The following TRHDE variants were observed in gnomAD, a reference collection of about 807,000 sequenced individuals.
The protein encoded by TRHDE is thyrotropin-releasing hormone-degrading ectoenzyme.
TRHDE carries 72 observed loss-of-function variants against 125.7 expected under a neutral mutation model. The ratio of observed to expected loss-of-function variants is 0.57; its 90% CI spans 0.47 to 0.70. TRHDE has a LOEUF of 0.70. Ranked by LOEUF, TRHDE falls within the 30% of genes least tolerant of loss-of-function variation. The pLI is 0.00. For missense variants in TRHDE, 1,110 were observed against 1,327.1 expected, an observed-to-expected ratio of 0.84 and a Z score of 2.54; for synonymous variants, 509 against 509.1, an observed-to-expected ratio of 1.00 and a Z score of 0.00.
At chr12:72,249,276 A>G (rs1439406211) in intron 2 of TRHDE, among the ~76,000 whole-genome samples, 1 of 152,226 alleles carries the variant, frequency 6.6e-6, no homozygotes. Flanking sequence ...TTGGGAGGTA[A>G]TTTTTAATAA....
intron 14 of TRHDE, 97 bp downstream of exon 14, chr12:72,621,302 C>T: frequency 2.5e-6 from 2 of 801,430 alleles, no homozygotes; most frequent in South Asian, 1.6e-5. Flanking sequence ...AGACAATCTT[C>T]CTTTCATTCT....
chr12:72,517,638 A>G (rs1037062613), intron 6 of TRHDE, among the ~76,000 whole-genome samples: 3 of 151,804 alleles, frequency 2.0e-5, no homozygotes, highest in East Asian at 1.9e-4. Flanking sequence ...TTGTGTCTCT[A>G]TGTCCTTCAG....
At chr12:72,300,375 C>CACACAT (rs1555174442) in intron 2 of TRHDE, among the ~76,000 whole-genome samples, 30 of 149,922 alleles carry the variant, frequency 2.0e-4, no homozygotes, top group Non-Finnish European at 3.4e-4. Flanking sequence ...TACACACACA[C>CACACAT]ACACACACAC....
At chr12:72,610,253 A>G (rs1872585452) in intron 12 of TRHDE, among the ~76,000 whole-genome samples, 1 of 152,224 alleles carries the variant, frequency 6.6e-6, no homozygotes, top group Non-Finnish European at 1.5e-5. Context: ...TGATATCTTC[A>G]TAAGAAACTT....
rs1875203744 is a variant in TRHDE, at chr12:72,669,731, A to G, written c.*6536A>G. The G allele has an allele frequency of 6.6e-6, 1 of 151,854 alleles. No homozygotes were observed. 9.4% of individuals were successfully genotyped at this position (151,854 alleles called of 1,614,324 possible). ...AACTAGCAAATCTCAAATGCAAAAC[A>G]TTTTTGAGTGAATTTTTCCTCAAAT... On this transcript the variant is annotated 3_prime_UTR_variant, in exon 19 of 19. Coordinates refer to ENST00000261180, the MANE Select transcript of TRHDE (RefSeq NM_013381.3).
chr12:72,413,367 T>A (rs1417474078), intron 3 of TRHDE, among the ~76,000 whole-genome samples: 2 of 151,934 alleles, frequency 1.3e-5, no homozygotes, highest in Admixed American at 6.6e-5. Context: ...ATTGAGCACT[T>A]GAAATGTGGC....
intron 6 of TRHDE, among the ~76,000 whole-genome samples, chr12:72,501,259 C>T (rs1388325511): frequency 2.6e-5 from 4 of 152,038 alleles, no homozygotes. Context: ...AGAGCAAACC[C>T]TTGTGCTGTT....
intron 2 of TRHDE, among the ~76,000 whole-genome samples, chr12:72,310,406 C>A (rs763087033): frequency 6.6e-6 from 1 of 152,204 alleles, no homozygotes; most frequent in Non-Finnish European, 1.5e-5. Context: ...TTTTCACTTA[C>A]TTAAAAATCT....
chr12:72,227,416 A>G (rs1878155000), intron 2 of TRHDE, among the ~76,000 whole-genome samples: 1 of 152,150 alleles, frequency 6.6e-6, no homozygotes, highest in Non-Finnish European at 1.5e-5. Flanking sequence ...AAACTTATTC[A>G]CTATCACAAG....
chr12:72,452,532 G>A (rs1425894849), intron 3 of TRHDE, among the ~76,000 whole-genome samples: 1 of 152,110 alleles, frequency 6.6e-6, no homozygotes, highest in African/African-American at 2.4e-5. Context: ...TCAGAGGAAA[G>A]GCTTTTAAAT....
At chr12:72,107,865 T>G (rs537017802) in intron 2 of TRHDE, among the ~76,000 whole-genome samples, 59 of 152,272 alleles carry the variant, frequency 3.9e-4, no homozygotes, top group Non-Finnish European at 7.1e-4. Context: ...ATGAATTGAT[T>G]TATTGAAGAA....
intron 2 of TRHDE, among the ~76,000 whole-genome samples, chr12:72,323,529 T>C (rs1869194266): frequency 6.6e-6 from 1 of 152,126 alleles, no homozygotes; most frequent in Admixed American, 6.6e-5. Flanking sequence ...TGCTTTTTCA[T>C]GGTCATGTTT....
intron 7 of TRHDE, among the ~76,000 whole-genome samples, chr12:72,552,775 G>A (rs1028084808): frequency 1.3e-5 from 2 of 152,154 alleles, no homozygotes; most frequent in Non-Finnish European, 2.9e-5. Flanking sequence ...AATTTTTCAA[G>A]GAAGGAGATA....
intron 2 of TRHDE, among the ~76,000 whole-genome samples, chr12:72,157,267 A>G (rs1876536832): frequency 6.6e-6 from 1 of 152,174 alleles, no homozygotes; most frequent in African/African-American, 2.4e-5. Context: ...AGAGGTAGCT[A>G]GGATCCTTGA....
intron 2 of TRHDE, among the ~76,000 whole-genome samples, chr12:72,265,952 A>G (rs1049991414): frequency 6.6e-6 from 1 of 152,032 alleles, no homozygotes. Flanking sequence ...AAATTTCACC[A>G]TATTTCTTCC....
chr12:72,094,343 A>T (rs998340390), intron 1 of TRHDE, among the ~76,000 whole-genome samples: 2 of 150,818 alleles, frequency 1.3e-5, no homozygotes, highest in Non-Finnish European at 3.0e-5. Context: ...TACAGGGCTG[A>T]GTAAGGGGCC....
At position 72,273,655 on chromosome 12, in the gene TRHDE, C is replaced by A. The variant is rs1879357547; in HGVS notation, c.914+98C>A. Reference sequence around the variant, plus strand: ...CCGGGGACCCAGCTGGCTTCCAATACCCGGGAAGCCAGGGGTGGGGGGAAG... The same window carrying A: ...CCGGGGACCCAGCTGGCTTCCAATAACCGGGAAGCCAGGGGTGGGGGGAAG... On this transcript the variant is annotated intron_variant, in intron 1 of 18. Transcript: ENST00000261180. The surrounding 1 kb of genome is among the most constrained non-coding windows in gnomAD (Gnocchi z 5.3). 3 of 1,205,090 alleles carry A rather than the reference C, an allele frequency of 2.5e-6. No homozygotes were observed. The highest frequency in any genetic ancestry group is 3.5e-6 in the Non-Finnish European group (3 of 864,302). The allele number at this position is 1,205,090 out of a possible 1,614,324, so 74.6% of individuals were successfully genotyped here. A position where few individuals can be genotyped will look rare whatever the true frequency, so the allele number is the denominator to read the frequency against.
intron 12 of TRHDE, among the ~76,000 whole-genome samples, chr12:72,591,006 T>G (rs1454178409): frequency 6.6e-6 from 1 of 152,244 alleles, no homozygotes; most frequent in Non-Finnish European, 1.5e-5. Flanking sequence ...AACTCACAGT[T>G]TCACATGGCT....
chr12:72,495,071 T>TG (rs1185752864), intron 5 of TRHDE, among the ~76,000 whole-genome samples: 2 of 139,928 alleles, frequency 1.4e-5, no homozygotes, highest in Admixed American at 1.5e-4. Flanking sequence ...TTTTTTTTTT[T>TG]TTTTTTTTTT....
Sources: gnomAD v4.1 joint callset for allele counts (sites outside exome capture counted in the v4.1 genomes callset) on GRCh38, gnomAD v4.1.1 for gene constraint, Gnocchi (gnomAD v3.1) non-coding constraint, MANE v1.5 for transcripts, NCBI Gene and HGNC (gene_info 2026-07-23, HGNC 2026-07-21) for gene names.